Variants in FGF13 observed in about 807,000 individuals in gnomAD.
The protein encoded by FGF13 is fibroblast growth factor homologous factor 2.
FGF13 carries 2 observed loss-of-function variants against 19.5 expected under a neutral mutation model. The observed-to-expected ratio is 0.10, with a 90% CI of 0.04 to 0.32. FGF13 has a LOEUF of 0.32. Ranked by LOEUF, FGF13 falls within the 10% of genes least tolerant of loss-of-function variation. The probability of loss-of-function intolerance (pLI) is 1.00; values close to 1 mark genes in which losing one functional copy is unlikely to be tolerated. For synonymous variants in FGF13, 72 were observed against 76.9 expected (o/e 0.94, Z 0.33); for missense variants, 113 against 192.7 (o/e 0.59, Z 2.45).
At chrX:138,830,474 T>G (rs2091063439) in intron 3 of FGF13, among the ~76,000 whole-genome samples, 1 of 112,086 alleles carries the variant, frequency 8.9e-6, no homozygotes, top group African/African-American at 3.2e-5. Flanking sequence ...TAGAACTTTA[T>G]AGAATGCATA....
intron 1 of FGF13, among the ~76,000 whole-genome samples, chrX:139,126,177 G>A (rs771143600): frequency 8.9e-6 from 1 of 112,000 alleles, no homozygotes; most frequent in Non-Finnish European, 1.9e-5. Flanking sequence ...GAGACTGTAT[G>A]GCCCACAAAG....
At chrX:139,043,884 A>G (rs746709192) in intron 1 of FGF13, among the ~76,000 whole-genome samples, 4 of 112,292 alleles carry the variant, frequency 3.6e-5, no homozygotes. Flanking sequence ...AACGTATTAC[A>G]TGATGCTATT....
At chrX:138,783,404 C>A (rs1221219522) in intron 3 of FGF13, among the ~76,000 whole-genome samples, 4 of 106,141 alleles carry the variant, frequency 3.8e-5, no homozygotes, top group Non-Finnish European at 7.7e-5. Flanking sequence ...AAAATTTTTG[C>A]AACCTACTCA....
intron 1 of FGF13, 99 bp downstream of exon 1, chrX:138,710,718 T>C (rs1388036407): frequency 4.4e-6 from 5 of 1,142,045 alleles, no homozygotes; most frequent in Non-Finnish European, 5.8e-6. Flanking sequence ...CTGCACAAGA[T>C]GGGCCACCAA....
chrX:138,849,564 A>G (rs1019438335), intron 3 of FGF13, among the ~76,000 whole-genome samples: 4 of 112,001 alleles, frequency 3.6e-5, no homozygotes, highest in South Asian at 3.7e-4. Context: ...GACTTCTAAT[A>G]TCAGGATTGG....
chrX:138,924,734 C>G lies in FGF13; in HGVS notation c.-112-60084G>C, dbSNP rs768388902. On this transcript the variant is annotated intron_variant, in intron 1 of 2. Transcript: ENST00000421460. ...CATACAGTAGTATGCTATGCTCACT[C>G]AACTGCCACACAGTAAGCAGAATAG... 7.6e-4 allele frequency among the ~76,000 whole-genome samples: 83 copies of G among 109,179 alleles called. 1 individual carries two copies. The highest frequency in any genetic ancestry group is 9.5e-4 in the Non-Finnish European group (50 of 52,622). The allele number at this position is 109,179 out of a possible 115,157, so 94.8% of individuals were successfully genotyped here. A position where few individuals can be genotyped will look rare whatever the true frequency, so the allele number is the denominator to read the frequency against.
intron 3 of FGF13, among the ~76,000 whole-genome samples, chrX:138,688,907 T>A (rs1354647666): frequency 8.9e-6 from 1 of 112,437 alleles, no homozygotes; most frequent in Non-Finnish European, 1.9e-5. Context: ...ATGTGAATAT[T>A]AGCACAGATG....
At chrX:138,903,071 T>G (rs2124212893) in intron 1 of FGF13, among the ~76,000 whole-genome samples, 1 of 112,129 alleles carries the variant, frequency 8.9e-6, no homozygotes, top group East Asian at 2.8e-4. Context: ...GATTCTTCCT[T>G]GCATACAAAC....
At chrX:138,817,751 T>C (rs976511587) in intron 3 of FGF13, among the ~76,000 whole-genome samples, 16 of 112,128 alleles carry the variant, frequency 1.4e-4, no homozygotes, top group African/African-American at 5.2e-4. Flanking sequence ...TTTTCTCCAG[T>C]TTCCCACTTA....
chrX:138,838,344 G>T (rs1012726729), intron 3 of FGF13, among the ~76,000 whole-genome samples: 17 of 111,889 alleles, frequency 1.5e-4, no homozygotes, highest in East Asian at 5.7e-4. Flanking sequence ...CGTATCTAAA[G>T]CTCCTGGGTC....
intron 1 of FGF13, among the ~76,000 whole-genome samples, chrX:139,008,562 T>C: frequency 1.8e-5 from 2 of 112,156 alleles, no homozygotes; most frequent in Admixed American, 1.9e-4. Context: ...ACCCGGAGCC[T>C]GGTAGCTCCA....
intron 1 of FGF13, among the ~76,000 whole-genome samples, chrX:138,992,194 T>C (rs1242627018): frequency 9.0e-6 from 1 of 110,958 alleles, no homozygotes; most frequent in Non-Finnish European, 1.9e-5. Context: ...TTTTTAGTCA[T>C]TTAGCTGTCG....
In FGF13 at chrX:138,622,003, T is replaced by A. The variant is rs2089019311; in HGVS notation, c.*10847A>T. The A allele has an allele frequency of 9.1e-6, 1 of 110,394 alleles. No homozygotes were observed. Among genetic ancestry groups the A allele is most frequent in the African/African-American group, 3.3e-5 (1 of 30,405 alleles). 9.1% of individuals were successfully genotyped at this position (110,394 alleles called of 1,213,427 possible). ...GCCCAGAACCAGATGGCTTCAGTGG[T>A]GAATTCTACCCAACATTTAAAGAAA... On this transcript the variant is annotated 3_prime_UTR_variant, in exon 5 of 5. Coordinates refer to ENST00000315930, the MANE Select transcript of FGF13 (RefSeq NM_004114.5).
At position 138,721,835 on chromosome X, in the gene FGF13, C is replaced by G. The variant is rs1286387991; in HGVS notation, c.29-12907G>C. ...TATATATACACACATATATTAAATA[C>G]ATATATATATTTACAATTTCTGTTT... On this transcript the variant is annotated intron_variant, in intron 1 of 4. Transcript: ENST00000305414. Among the ~76,000 whole-genome samples the G allele has an allele frequency of 4.6e-5, 5 of 109,659 alleles. No individual in the cohort carries two copies. In the Admixed American group the frequency reaches 4.9e-4, roughly 11 times the overall value.
At chrX:139,157,463 TTTG>T (rs1365422702) in intron 1 of FGF13, among the ~76,000 whole-genome samples, 2 of 111,905 alleles carry the variant, frequency 1.8e-5, no homozygotes, top group African/African-American at 6.5e-5. Context: ...CAGGAGTGAG[TTTG>T]TTATCTCAGG....
intron 3 of FGF13, chrX:138,806,640 C>T (rs2090870354): frequency 8.9e-6 from 1 of 112,063 alleles, no homozygotes; most frequent in South Asian, 3.7e-4. Context: ...TATAAAACGC[C>T]TCATTGAGCA....
intron 1 of FGF13, among the ~76,000 whole-genome samples, chrX:139,028,616 T>TGTGTGTGTGTGTGTGTGA (rs1432577338): frequency 1.3e-5 from 1 of 74,287 alleles, no homozygotes; most frequent in Non-Finnish European, 2.5e-5. Flanking sequence ...TGTGTGTGTG[T>TGTGTGTGTGTGTGTGTGA]GAGAGAGAGA....
At chrX:139,027,291 G>A (rs1465968818) in intron 1 of FGF13, among the ~76,000 whole-genome samples, 1 of 112,182 alleles carries the variant, frequency 8.9e-6, no homozygotes, top group Non-Finnish European at 1.9e-5. Flanking sequence ...TTTGAATTTG[G>A]AAGTGGCATT....
At chrX:138,979,469 T>C (rs1303787370) in intron 1 of FGF13, among the ~76,000 whole-genome samples, 1 of 110,012 alleles carries the variant, frequency 9.1e-6, no homozygotes, top group African/African-American at 3.3e-5. Flanking sequence ...TGCAGGCAAA[T>C]TTGGTTATCT....
Sources: allele counts gnomAD v4.1 joint callset (sites outside exome capture counted in the v4.1 genomes callset), GRCh38; gene constraint gnomAD v4.1.1; transcripts MANE v1.5; gene names NCBI Gene and HGNC (gene_info 2026-07-23, HGNC 2026-07-21).